The following CHODL variants were observed in gnomAD, a reference collection of about 807,000 sequenced individuals.
CHODL encodes the protein transmembrane protein MT75.
CHODL carries 29 observed loss-of-function variants against 34.5 expected under a neutral mutation model. The ratio of observed to expected loss-of-function variants is 0.84; its 90% CI spans 0.63 to 1.15. The LOEUF (loss-of-function observed/expected upper bound fraction) is 1.15, where lower values mean the gene tolerates loss of function less well. Among genes scored for constraint, CHODL ranks in the 50% most tolerant of loss-of-function variants. The probability of loss-of-function intolerance (pLI) is 0.00; values close to 1 mark genes in which losing one functional copy is unlikely to be tolerated. For synonymous variants in CHODL, 125 were observed against 116.1 expected (o/e 1.08, Z -0.49); for missense variants, 332 against 332.5 (o/e 1.00, Z 0.01).
chr21:18,216,013 T>C (rs1347185497), intron 2 of CHODL, among the ~76,000 whole-genome samples: 1 of 151,986 alleles, frequency 6.6e-6, no homozygotes, highest in East Asian at 1.9e-4. Context: ...TTTATCTTTT[T>C]CCTTTTTTTG....
At chr21:17,958,820 A>T (rs1305012424) in intron 1 of CHODL, among the ~76,000 whole-genome samples, 1 of 152,150 alleles carries the variant, frequency 6.6e-6, no homozygotes, top group Non-Finnish European at 1.5e-5. Flanking sequence ...GGGGAAATGC[A>T]CATGATATTT....
chr21:18,146,528 C>T (rs905918065), intron 2 of CHODL, among the ~76,000 whole-genome samples: 1 of 152,058 alleles, frequency 6.6e-6, no homozygotes, highest in African/African-American at 2.4e-5. Context: ...CAGCACTTCT[C>T]TCTCCTGCTG....
chr21:18,128,451 CA>C (rs1011595893), intron 2 of CHODL, among the ~76,000 whole-genome samples: 2 of 151,218 alleles, frequency 1.3e-5, no homozygotes, highest in African/African-American at 4.9e-5. Context: ...AAGGTAACCT[CA>C]AAAGCACAAG....
At chr21:17,984,203 C>G (rs158010) in intron 1 of CHODL, among the ~76,000 whole-genome samples, 51,199 of 151,976 alleles carry the variant, frequency 0.34, 9,165 homozygotes, top group East Asian at 0.63. Context: ...TGGTCTTCGG[C>G]GTCATCTATG....
chr21:18,131,440 A>T (rs922397950), intron 2 of CHODL, among the ~76,000 whole-genome samples: 2 of 152,164 alleles, frequency 1.3e-5, no homozygotes, highest in African/African-American at 4.8e-5. Flanking sequence ...TATACATTTC[A>T]ATTTACGAAC....
chr21:18,027,527 G>A (rs138000038), intron 1 of CHODL, among the ~76,000 whole-genome samples: 32 of 152,220 alleles, frequency 2.1e-4, no homozygotes, highest in African/African-American at 4.6e-4. Flanking sequence ...TAGATTTAAC[G>A]TAGGTAATGA....
chr21:18,228,526 G>A (rs2073951689), intron 2 of CHODL, among the ~76,000 whole-genome samples: 1 of 152,136 alleles, frequency 6.6e-6, no homozygotes, highest in East Asian at 1.9e-4. Context: ...TCGGGGGTTT[G>A]TCACACACAT....
intron 2 of CHODL, among the ~76,000 whole-genome samples, chr21:18,170,235 C>T (rs1225518521): frequency 4.0e-5 from 6 of 151,824 alleles, no homozygotes; most frequent in Non-Finnish European, 8.8e-5. Flanking sequence ...TAAGTATACC[C>T]ACTGCTGTTC....
At position 17,978,746 on chromosome 21, in the gene CHODL, A is replaced by C. The variant is rs553859640; in HGVS notation, c.-144-49126A>C. Among the ~76,000 whole-genome samples, 38 of 143,806 alleles carry C rather than the reference A, an allele frequency of 2.6e-4. 1 individual carries two copies. The highest frequency in any genetic ancestry group is 6.3e-4 in the African/African-American group (24 of 38,134). 94.3% of individuals were successfully genotyped at this position (143,806 alleles called of 152,430 possible). On this transcript the variant is annotated intron_variant, in intron 1 of 6. Transcript: ENST00000400127. ...AAGAAAAAAAAAGAAAAAAAAAAAA[A>C]CAAACAAACAGAAAAAAGATGTCAA...
intron 1 of CHODL, among the ~76,000 whole-genome samples, chr21:18,014,725 T>C (rs1167990281): frequency 6.6e-6 from 1 of 152,218 alleles, no homozygotes; most frequent in Non-Finnish European, 1.5e-5. Context: ...TACTCCTGCT[T>C]TGTCTTCTGC....
intron 2 of CHODL, among the ~76,000 whole-genome samples, chr21:18,070,774 A>G (rs996035961): frequency 1.3e-5 from 2 of 151,774 alleles, no homozygotes; most frequent in African/African-American, 2.4e-5. Flanking sequence ...GATGACCTCA[A>G]CTCCCCATAA....
At chr21:18,130,628 G>C (rs1438604961) in intron 2 of CHODL, among the ~76,000 whole-genome samples, 2 of 150,608 alleles carry the variant, frequency 1.3e-5, no homozygotes, top group Non-Finnish European at 3.0e-5. Context: ...ATTGGCCATA[G>C]TAACAGGCAT....
At chr21:17,985,079 A>G (rs552230425) in intron 1 of CHODL, among the ~76,000 whole-genome samples, 3 of 152,284 alleles carry the variant, frequency 2.0e-5, no homozygotes, top group African/African-American at 7.2e-5. Context: ...TTCCAAAGAA[A>G]AATTCTTATT....
rs1177005708 is a variant in CHODL, at chr21:18,171,198, G to GTTTTTTTTTTTTTTTTTT, written c.-44-85309_-44-85292dup. On this transcript the variant is annotated intron_variant, in intron 2 of 6. Coordinates refer to the CHODL transcript ENST00000400127. Reference sequence around the variant, plus strand: ...TGTTCTTCAGACATGGTTTTCTTTAGTTTTTTTTTTTTTTTTTTTGAGACG... The same window carrying GTTTTTTTTTTTTTTTTTT: ...TGTTCTTCAGACATGGTTTTCTTTAGTTTTTTTTTTTTTTTTTTTTTTTTTTTTTTTTTTTTTGAGACG... 1.1e-4 allele frequency among the ~76,000 whole-genome samples: 4 copies of GTTTTTTTTTTTTTTTTTT among 37,082 alleles called. 1 individual carries two copies. Among genetic ancestry groups the GTTTTTTTTTTTTTTTTTT allele is most frequent in the African/African-American group, 1.4e-4 (1 of 6,942 alleles). 24.3% of individuals were successfully genotyped at this position (37,082 alleles called of 152,430 possible).
intron 1 of CHODL, among the ~76,000 whole-genome samples, chr21:17,980,191 T>C (rs1398266571): frequency 1.3e-5 from 2 of 152,080 alleles, no homozygotes; most frequent in African/African-American, 2.4e-5. Flanking sequence ...GTTTTAATGT[T>C]GAAATGGATC....
chr21:17,960,259 G>A (rs2063522297), intron 1 of CHODL, among the ~76,000 whole-genome samples: 2 of 152,070 alleles, frequency 1.3e-5, no homozygotes, highest in Non-Finnish European at 2.9e-5. Flanking sequence ...CTTATAGCTG[G>A]CCTGAATTTT....
At chr21:17,918,396 T>C (rs888210368) in intron 1 of CHODL, among the ~76,000 whole-genome samples, 3 of 151,864 alleles carry the variant, frequency 2.0e-5, no homozygotes, top group African/African-American at 4.8e-5. Context: ...CAGTTTCACA[T>C]GGCGGGGGGT....
intron 2 of CHODL, among the ~76,000 whole-genome samples, chr21:18,059,226 C>T (rs1042654037): frequency 6.6e-6 from 1 of 152,106 alleles, no homozygotes; most frequent in African/African-American, 2.4e-5. Context: ...CACATGAAAG[C>T]GGCCATCTAC....
chr21:17,983,953 G>A (rs776301767), intron 1 of CHODL, among the ~76,000 whole-genome samples: 10 of 151,920 alleles, frequency 6.6e-5, no homozygotes, highest in South Asian at 2.1e-4. Context: ...GAGTTTTACC[G>A]TCTTAACAAA....
Sources: gnomAD v4.1 joint callset for allele counts (sites outside exome capture counted in the v4.1 genomes callset) on GRCh38, gnomAD v4.1.1 for gene constraint, MANE v1.5 for transcripts, NCBI Gene and HGNC (gene_info 2026-07-23, HGNC 2026-07-21) for gene names.